The following NSUN6 variants were observed in gnomAD, a reference collection of about 807,000 sequenced individuals.
NSUN6 encodes the protein tRNA (cytosine(72)-C(5))-methyltransferase NSUN6.
A neutral mutation model predicts 58.0 loss-of-function variants in NSUN6; 64 were observed. That is an observed-to-expected ratio of 1.10 (90% CI 0.90 to 1.36). The LOEUF is 1.36. NSUN6 is among the 40% of genes most tolerant of loss of function. The pLI, the probability that NSUN6 is intolerant of heterozygous loss-of-function variation, is 0.00. For synonymous variants in NSUN6, 231 were observed against 193.9 expected (o/e 1.19, Z -1.59); for missense variants, 701 against 550.1 (o/e 1.27, Z -2.74).
intron 2 of NSUN6, among the ~76,000 whole-genome samples, chr10:18,645,742 C>G (rs1315114890): frequency 6.6e-6 from 1 of 152,012 alleles, no homozygotes; most frequent in East Asian, 1.9e-4. Flanking sequence ...GAGTATATAC[C>G]TAGGAGTGGA....
chr10:18,653,221 C>T (rs896311633), upstream of NSUN6: 10 of 984,666 alleles, frequency 1.0e-5, no homozygotes, highest in Non-Finnish European at 1.2e-5. Flanking sequence ...TGTACCCAAG[C>T]CTAATCCATA....
At chr10:18,553,828 A>G (rs1185024697) in intron 8 of NSUN6, among the ~76,000 whole-genome samples, 2 of 151,224 alleles carry the variant, frequency 1.3e-5, no homozygotes, top group Non-Finnish European at 3.0e-5. Flanking sequence ...AGAATAGAGT[A>G]GAATAGAATA....
At chr10:18,561,723 G>T (rs545225540) in intron 8 of NSUN6, among the ~76,000 whole-genome samples, 40 of 148,574 alleles carry the variant, frequency 2.7e-4, no homozygotes, top group African/African-American at 1.0e-3. Flanking sequence ...AATGGAGAAA[G>T]GAATAGAATA....
At chr10:18,648,359 A>T in intron 2 of NSUN6, 131 bp downstream of exon 2, 1 of 559,532 alleles carries the variant, frequency 1.8e-6, no homozygotes, top group Non-Finnish European at 3.2e-6. Flanking sequence ...TGAAGAATTT[A>T]CCATTCATGG....
chr10:18,574,113 A>G (rs1589917228), intron 8 of NSUN6, among the ~76,000 whole-genome samples: 1 of 152,230 alleles, frequency 6.6e-6, no homozygotes, highest in East Asian at 1.9e-4. Flanking sequence ...CTGACTCAAG[A>G]ACACGGAGGC....
At chr10:18,652,573 T>G (rs1590213050), upstream of NSUN6, 1 of 918,260 alleles carries the variant, frequency 1.1e-6, no homozygotes, top group South Asian at 5.0e-5. Context: ...TCTGCTCTTT[T>G]TTTTTTTTTT....
At chr10:18,602,917 T>A (rs536310602) in intron 6 of NSUN6, among the ~76,000 whole-genome samples, 5 of 152,318 alleles carry the variant, frequency 3.3e-5, no homozygotes, top group African/African-American at 1.2e-4. Context: ...ATGAGGCTTA[T>A]CAAGCTAATA....
At chr10:18,561,922 G>T (rs1343966033) in intron 8 of NSUN6, among the ~76,000 whole-genome samples, 1 of 149,156 alleles carries the variant, frequency 6.7e-6, no homozygotes, top group Non-Finnish European at 1.5e-5. Flanking sequence ...AATGGAGAAT[G>T]GAATGAATGG....
intron 3 of NSUN6, among the ~76,000 whole-genome samples, chr10:18,624,461 G>C (rs964686570): frequency 2.0e-5 from 3 of 151,486 alleles, no homozygotes; most frequent in African/African-American, 7.3e-5. Flanking sequence ...GGATCACTAG[G>C]TCAGGAGATT....
chr10:18,620,382 C>T (rs1017482588), intron 3 of NSUN6, among the ~76,000 whole-genome samples: 7 of 152,132 alleles, frequency 4.6e-5, no homozygotes, highest in East Asian at 3.9e-4. Flanking sequence ...CCACTGCGCC[C>T]GACAATAAAA....
At chr10:18,584,835 T>C (rs934591164) in intron 8 of NSUN6, among the ~76,000 whole-genome samples, 2 of 151,930 alleles carry the variant, frequency 1.3e-5, no homozygotes, top group South Asian at 2.1e-4. Flanking sequence ...TAGCAGTTGA[T>C]TGTTAATTAG....
In NSUN6 at chr10:18,635,061, T is replaced by C. The variant is rs567380325; in HGVS notation, c.311+7415A>G. On this transcript the variant is annotated intron_variant, in intron 3 of 10. Transcript: ENST00000377304. Reference sequence around the variant, plus strand: ...TTTATTCGGAACACCTGCTTTCCTTTTGGGAGTCTGGGGATTTTGGTATGT... The same window carrying C: ...TTTATTCGGAACACCTGCTTTCCTTCTGGGAGTCTGGGGATTTTGGTATGT... Among the ~76,000 whole-genome samples, 5 of 152,262 alleles carry C rather than the reference T, an allele frequency of 3.3e-5. No homozygotes were observed. The East Asian group carries it at 9.7e-4, about 29-fold the overall frequency.
chr10:18,628,374 C>A (rs2058902529), intron 3 of NSUN6, among the ~76,000 whole-genome samples: 1 of 152,188 alleles, frequency 6.6e-6, no homozygotes, highest in Non-Finnish European at 1.5e-5. Context: ...GAATACAGTT[C>A]CTCACCAGCA....
Position 18,625,643 on chromosome 10 carries a change from G to A in NSUN6, c.312-9350C>T, listed in dbSNP as rs190658027. ...CAGGAGAATCACTTGAATCCGGGAC[G>A]CAAAAGCTGCAGTGAGCCGAGATCG... On this transcript the variant is annotated intron_variant, in intron 3 of 10. Transcript: ENST00000377304. 1.2e-4 allele frequency among the ~76,000 whole-genome samples: 17 copies of A among 141,300 alleles called. No homozygotes were observed. The East Asian group carries it at 3.3e-3, about 28-fold the overall frequency. 92.7% of individuals were successfully genotyped at this position (141,300 alleles called of 152,430 possible). A position where few individuals can be genotyped will look rare whatever the true frequency, so the allele number is the denominator to read the frequency against.
intron 8 of NSUN6, among the ~76,000 whole-genome samples, chr10:18,562,418 A>C (rs546526743): frequency 6.6e-6 from 1 of 150,644 alleles, no homozygotes; most frequent in Non-Finnish European, 1.5e-5. Context: ...AATGGAATGG[A>C]GAATGGAATG....
At chr10:18,647,543 T>C (rs1361660505) in intron 2 of NSUN6, among the ~76,000 whole-genome samples, 1 of 152,198 alleles carries the variant, frequency 6.6e-6, no homozygotes, top group Non-Finnish European at 1.5e-5. Context: ...TAACTCATAC[T>C]TTCTGCTTAG....
chr10:18,580,239 T>C lies in NSUN6; in HGVS notation c.922+5710A>G, dbSNP rs549989187. On this transcript the variant is annotated intron_variant, in intron 8 of 10. Transcript: ENST00000377304. ...TTTATTTAAGAAAATCAACCACAGC[T>C]TAATAAGAACAGTGAGAATCTGTGC... Among the ~76,000 whole-genome samples, 4 of 152,290 alleles carry C rather than the reference T, an allele frequency of 2.6e-5. No individual in the cohort carries two copies. The South Asian group carries it at 6.2e-4, about 24-fold the overall frequency.
chr10:18,588,137 T>C (rs1421690319), intron 7 of NSUN6, among the ~76,000 whole-genome samples: 1 of 152,166 alleles, frequency 6.6e-6, no homozygotes, highest in South Asian at 2.1e-4. Flanking sequence ...TTGACAGTGC[T>C]AAGGAGACTG....
intron 3 of NSUN6, among the ~76,000 whole-genome samples, chr10:18,628,773 G>GT (rs1278251167): frequency 6.6e-6 from 1 of 152,120 alleles, no homozygotes; most frequent in African/African-American, 2.4e-5. Flanking sequence ...CCAAATCTAC[G>GT]TCGATTGGTG....
Sources: gnomAD v4.1 joint callset for allele counts (sites outside exome capture counted in the v4.1 genomes callset) on GRCh38, gnomAD v4.1.1 for gene constraint, MANE v1.5 for transcripts, NCBI Gene and HGNC (gene_info 2026-07-23, HGNC 2026-07-21) for gene names.